The following IFT80 variants were observed in gnomAD, a reference collection of about 807,000 sequenced individuals.
IFT80 encodes intraflagellar transport 80.
A neutral mutation model predicts 107.9 loss-of-function variants in IFT80; 79 were observed. The observed-to-expected ratio is 0.73, with a 90% confidence interval of 0.61 to 0.88. The LOEUF (loss-of-function observed/expected upper bound fraction) is 0.88. Among genes scored for constraint, IFT80 ranks in the 40% least tolerant of loss-of-function variants. The pLI is 0.00. For missense variants in IFT80, 797 were observed against 914.2 expected (o/e 0.87, Z 1.65); for synonymous variants, 299 against 300.9 (o/e 0.99, Z 0.07).
intron 8 of IFT80, chr3:160,343,747 T>G (rs903331905): frequency 1.6e-5 from 5 of 313,014 alleles, no homozygotes; most frequent in Admixed American, 8.8e-5. Flanking sequence ...TTAATTTTTA[T>G]AGCACTCATT....
At chr3:160,336,591 A>ATGTG (rs111936021) in intron 8 of IFT80, among the ~76,000 whole-genome samples, 1,912 of 149,550 alleles carry the variant, frequency 0.013, 42 homozygotes, top group African/African-American at 0.043. Context: ...ACATGTGTGT[A>ATGTG]TGTGTGTGTG....
chr3:160,386,106 G>A (rs1712911402), intron 1 of IFT80, among the ~76,000 whole-genome samples: 1 of 152,194 alleles, frequency 6.6e-6, no homozygotes, highest in Non-Finnish European at 1.5e-5. Flanking sequence ...AAGCAGTATG[G>A]TTTTTACAAG....
chr3:160,331,161 G>A (rs1490946183), intron 8 of IFT80, among the ~76,000 whole-genome samples: 2 of 151,952 alleles, frequency 1.3e-5, no homozygotes, highest in African/African-American at 2.4e-5. Context: ...TTGTGCTTTG[G>A]GGCCATTATT....
chr3:160,295,959 G>A (rs1470681556), intron 12 of IFT80, among the ~76,000 whole-genome samples: 1 of 152,116 alleles, frequency 6.6e-6, no homozygotes, highest in Non-Finnish European at 1.5e-5. Context: ...AAATTTATTG[G>A]AACAAAAAGC....
chr3:160,334,303 A>G (rs1252964347), intron 8 of IFT80, among the ~76,000 whole-genome samples: 1 of 152,214 alleles, frequency 6.6e-6, no homozygotes, highest in Non-Finnish European at 1.5e-5. Context: ...GTGGTGGTAC[A>G]GATGAGATAT....
intron 6 of IFT80, among the ~76,000 whole-genome samples, chr3:160,358,378 G>T (rs1042023575): frequency 2.6e-5 from 4 of 151,338 alleles, no homozygotes; most frequent in Non-Finnish European, 4.4e-5. Context: ...ATTTCATTCT[G>T]TTCGTCATAT....
chr3:160,279,941 A>G (rs1714556411), intron 15 of IFT80, among the ~76,000 whole-genome samples: 1 of 152,216 alleles, frequency 6.6e-6, no homozygotes, highest in Non-Finnish European at 1.5e-5. Flanking sequence ...ATAAGTAAAA[A>G]GAGATGACCT....
intron 8 of IFT80, among the ~76,000 whole-genome samples, chr3:160,333,422 C>T (rs1719226554): frequency 6.6e-6 from 1 of 152,120 alleles, no homozygotes; most frequent in South Asian, 2.1e-4. Flanking sequence ...ATTTTTTAAA[C>T]TTTTTGACTC....
At chr3:160,312,652 TA>T (rs1171183164) in intron 9 of IFT80, among the ~76,000 whole-genome samples, 8 of 48,636 alleles carry the variant, frequency 1.6e-4, no homozygotes, top group South Asian at 9.4e-4. Context: ...ATATTATATA[TA>T]AATATATAAT....
intron 9 of IFT80, among the ~76,000 whole-genome samples, chr3:160,318,647 C>T (rs1386048381): frequency 1.3e-5 from 2 of 152,080 alleles, no homozygotes; most frequent in South Asian, 4.1e-4. Context: ...CCCCACTTCC[C>T]ACTGCCACAT....
intron 8 of IFT80, among the ~76,000 whole-genome samples, chr3:160,346,615 T>C (rs1298559951): frequency 1.3e-5 from 2 of 152,156 alleles, no homozygotes; most frequent in African/African-American, 4.8e-5. Flanking sequence ...TTGTTGCTTG[T>C]TGAGGGCTCA....
At chr3:160,303,868 G>T in intron 11 of IFT80, 47 bp downstream of exon 11, 3 of 1,178,426 alleles carry the variant, frequency 2.5e-6, no homozygotes, top group Non-Finnish European at 3.8e-6. Flanking sequence ...GTGCTTTAAT[G>T]CTATTTATTT....
chr3:160,342,142 G>T (rs1299542447), intron 8 of IFT80, among the ~76,000 whole-genome samples: 2 of 152,122 alleles, frequency 1.3e-5, no homozygotes, highest in Non-Finnish European at 2.9e-5. Flanking sequence ...CATGGAAAAG[G>T]TATCATAGAA....
At chr3:160,371,601 C>G (rs1368529036) in intron 5 of IFT80, among the ~76,000 whole-genome samples, 4 of 152,114 alleles carry the variant, frequency 2.6e-5, no homozygotes, top group Non-Finnish European at 5.9e-5. Flanking sequence ...CACCACTATG[C>G]CCGGCTAACT....
At chr3:160,331,423 G>A (rs533301593) in intron 8 of IFT80, among the ~76,000 whole-genome samples, 2 of 152,250 alleles carry the variant, frequency 1.3e-5, no homozygotes, top group South Asian at 4.2e-4. Context: ...TTCAGATCAT[G>A]GTTGACCATA....
At chr3:160,289,008 G>A (rs565015704) in intron 12 of IFT80, among the ~76,000 whole-genome samples, 31 of 150,952 alleles carry the variant, frequency 2.1e-4, no homozygotes, top group African/African-American at 7.3e-4. Flanking sequence ...ACATGCATGC[G>A]AATGTTCACT....
At chr3:160,272,672 T>C (rs1036529868) in intron 18 of IFT80, among the ~76,000 whole-genome samples, 3 of 152,216 alleles carry the variant, frequency 2.0e-5, no homozygotes, top group Non-Finnish European at 4.4e-5. Context: ...GCCATACTCA[T>C]GGCCTCAACT....
intron 10 of IFT80, among the ~76,000 whole-genome samples, chr3:160,307,355 C>T (rs1274333409): frequency 6.6e-6 from 1 of 152,158 alleles, no homozygotes; most frequent in Non-Finnish European, 1.5e-5. Flanking sequence ...CACTGTGTTG[C>T]TTATGCTGGT....
At chr3:160,291,070 T>C (rs572553341) in intron 12 of IFT80, among the ~76,000 whole-genome samples, 2 of 152,286 alleles carry the variant, frequency 1.3e-5, no homozygotes, top group East Asian at 1.9e-4. Context: ...TCAATCAGTA[T>C]ATGAACTAGT....
Sources: allele counts gnomAD v4.1 joint callset (sites outside exome capture counted in the v4.1 genomes callset), GRCh38; gene constraint gnomAD v4.1.1; transcripts MANE v1.5; gene names NCBI Gene and HGNC (gene_info 2026-07-23, HGNC 2026-07-21).